CDK14: variants seen among roughly 807,000 people sequenced by gnomAD.
The protein encoded by CDK14 is cyclin-dependent kinase 14.
In CDK14, 34 loss-of-function variants were observed where a neutral mutation model predicts 60.7. That is an observed-to-expected ratio of 0.56 (90% confidence interval 0.43 to 0.75). The LOEUF (loss-of-function observed/expected upper bound fraction) is 0.75. Among genes scored for constraint, CDK14 ranks in the 30% least tolerant of loss-of-function variants. CDK14 has a pLI of 0.00. For synonymous variants in CDK14, 197 were observed against 203.7 expected (o/e 0.97, Z 0.28); for missense variants, 482 against 564.1 (o/e 0.85, Z 1.47).
intron 12 of CDK14, among the ~76,000 whole-genome samples, chr7:91,101,327 C>G (rs1799141535): frequency 6.6e-6 from 1 of 152,090 alleles, no homozygotes. Flanking sequence ...TCATCTGGAT[C>G]AAATAAAATA....
intron 14 of CDK14, among the ~76,000 whole-genome samples, chr7:91,200,387 G>A (rs1372839398): frequency 6.6e-6 from 1 of 152,188 alleles, no homozygotes. Flanking sequence ...AATAGGAAAT[G>A]CTTCTTGAAG....
At chr7:91,100,775 A>C (rs545482562) in intron 12 of CDK14, among the ~76,000 whole-genome samples, 2 of 152,344 alleles carry the variant, frequency 1.3e-5, no homozygotes, top group Middle Eastern at 6.8e-3. Context: ...AAGCTCTGAA[A>C]TCCAAAGCAA....
intron 8 of CDK14, among the ~76,000 whole-genome samples, chr7:90,949,367 A>G (rs181302461): frequency 6.6e-6 from 1 of 151,790 alleles, no homozygotes; most frequent in East Asian, 1.9e-4. Context: ...CACTTGGCCA[A>G]TTTTTTGTAT....
At chr7:90,620,666 G>A (rs769596773) in intron 2 of CDK14, among the ~76,000 whole-genome samples, 25 of 152,102 alleles carry the variant, frequency 1.6e-4, no homozygotes, top group Non-Finnish European at 2.5e-4. Flanking sequence ...AGGCACCACC[G>A]TTTCATAGAG....
At chr7:90,747,205 A>G (rs1256257426) in intron 3 of CDK14, among the ~76,000 whole-genome samples, 1 of 152,194 alleles carries the variant, frequency 6.6e-6, no homozygotes, top group African/African-American at 2.4e-5. Flanking sequence ...AAAGGTAAAA[A>G]CTATTCTAAA....
intron 2 of CDK14, among the ~76,000 whole-genome samples, chr7:90,719,283 C>G (rs1202948207): frequency 1.3e-5 from 2 of 152,092 alleles, no homozygotes; most frequent in African/African-American, 4.8e-5. Flanking sequence ...AATTCTTTTC[C>G]AGTGTCTGCC....
chr7:90,775,013 C>T (rs1309219298), intron 4 of CDK14, among the ~76,000 whole-genome samples: 1 of 152,180 alleles, frequency 6.6e-6, no homozygotes, highest in African/African-American at 2.4e-5. Flanking sequence ...TTTTTTGGTG[C>T]ATCTCATTTC....
intron 4 of CDK14, among the ~76,000 whole-genome samples, chr7:90,758,272 G>GTCTCTC (rs147601499): frequency 6.7e-6 from 1 of 149,442 alleles, no homozygotes; most frequent in East Asian, 2.0e-4. Flanking sequence ...CTGTCTCTTT[G>GTCTCTC]TCTCTCTCTC....
intron 8 of CDK14, among the ~76,000 whole-genome samples, chr7:90,926,029 T>G (rs1392224086): frequency 6.6e-6 from 1 of 152,170 alleles, no homozygotes; most frequent in Non-Finnish European, 1.5e-5. Flanking sequence ...AGATGGAAAA[T>G]AAGTTAACAT....
At chr7:90,998,004 A>G (rs1392261986) in intron 10 of CDK14, among the ~76,000 whole-genome samples, 1 of 152,206 alleles carries the variant, frequency 6.6e-6, no homozygotes, top group Non-Finnish European at 1.5e-5. Context: ...TTGATTTTCA[A>G]TTCCTTATTA....
At chr7:90,751,985 C>G (rs190661288) in intron 4 of CDK14, among the ~76,000 whole-genome samples, 2 of 152,270 alleles carry the variant, frequency 1.3e-5, no homozygotes. Context: ...CTTAACTATC[C>G]TAAATATATA....
intron 7 of CDK14, among the ~76,000 whole-genome samples, chr7:90,900,659 A>G (rs758479319): frequency 1.3e-5 from 2 of 152,108 alleles, no homozygotes; most frequent in Non-Finnish European, 2.9e-5. Context: ...TCACCCAGCT[A>G]GTGAGACCAC....
At chr7:90,823,155 C>T (rs1001144887) in intron 5 of CDK14, among the ~76,000 whole-genome samples, 3 of 152,128 alleles carry the variant, frequency 2.0e-5, no homozygotes, top group African/African-American at 7.2e-5. Context: ...CTGTCAAGCT[C>T]ATCCAGATGC....
chr7:90,609,849 C>T (rs927177482), intron 2 of CDK14, among the ~76,000 whole-genome samples: 4 of 152,134 alleles, frequency 2.6e-5, no homozygotes, highest in African/African-American at 9.7e-5. Flanking sequence ...TTTTCTCTAC[C>T]CTGACTATCA....
intron 6 of CDK14, among the ~76,000 whole-genome samples, chr7:90,875,058 T>C (rs1477245156): frequency 4.6e-5 from 7 of 152,200 alleles, no homozygotes; most frequent in Admixed American, 4.6e-4. Context: ...ACCGATCTAC[T>C]GTATGTCTCG....
chr7:90,871,213 G>T (rs906356597), intron 6 of CDK14, among the ~76,000 whole-genome samples: 22 of 152,090 alleles, frequency 1.4e-4, no homozygotes, highest in African/African-American at 5.1e-4. Flanking sequence ...GATCAGAAAA[G>T]AATATAATAA....
At chr7:90,788,533 A>G (rs1805695568) in intron 4 of CDK14, among the ~76,000 whole-genome samples, 2 of 152,174 alleles carry the variant, frequency 1.3e-5, no homozygotes, top group African/African-American at 4.8e-5. Flanking sequence ...GGAAAAAGAA[A>G]CACAACTCCT....
intron 7 of CDK14, among the ~76,000 whole-genome samples, chr7:90,907,885 A>T (rs899873131): frequency 6.6e-6 from 1 of 152,144 alleles, no homozygotes; most frequent in Non-Finnish European, 1.5e-5. Flanking sequence ...TGATTTCTAA[A>T]TGAGACTTTC....
chr7:90,997,098 C>T (rs1795708262), intron 10 of CDK14, among the ~76,000 whole-genome samples: 1 of 152,142 alleles, frequency 6.6e-6, no homozygotes, highest in Non-Finnish European at 1.5e-5. Context: ...TCTGATTTTT[C>T]AATTGGAAAT....
Sources: gnomAD v4.1 joint callset for allele counts (sites outside exome capture counted in the v4.1 genomes callset) on GRCh38, gnomAD v4.1.1 for gene constraint, MANE v1.5 for transcripts, NCBI Gene and HGNC (gene_info 2026-07-23, HGNC 2026-07-21) for gene names.